SLC30A10: variants seen among roughly 807,000 people sequenced by gnomAD.
SLC30A10 encodes solute carrier family 30 member 10.
A neutral mutation model predicts 21.7 loss-of-function variants in SLC30A10; 8 were observed. That is an observed-to-expected ratio of 0.37 (90% CI 0.22 to 0.67). The LOEUF is 0.67. Ranked by LOEUF, SLC30A10 falls within the 30% of genes least tolerant of loss-of-function variation. SLC30A10 has a pLI of 0.58. For missense variants in SLC30A10, 521 were observed against 642.5 expected (o/e 0.81, Z 2.04); for synonymous variants, 272 against 279.4 (o/e 0.97, Z 0.26).
At chr1:219,945,598 G>GA (rs1427536237) in intron 1 of SLC30A10, among the ~76,000 whole-genome samples, 1 of 152,134 alleles carries the variant, frequency 6.6e-6, no homozygotes, top group Admixed American at 6.5e-5. Context: ...ATGGAGGACA[G>GA]AATAAGATCA....
chr1:219,927,056 C>G lies in SLC30A10; in HGVS notation c.690G>C (p.Glu230Asp). 6.2e-7 allele frequency: 1 copy of G among 1,613,832 alleles called. No individual in the cohort carries two copies. The highest frequency in any genetic ancestry group is 8.5e-7 in the Non-Finnish European group (1 of 1,179,914). ...QNEPEDMMKK[E>D]KKSEALNIRG... Reference sequence around the variant, plus strand: ...TGATATTCAGAGCTTCAGACTTTTTCTCTTTTTTCATCATGTCTTCTGGCT... The same window carrying G: ...TGATATTCAGAGCTTCAGACTTTTTGTCTTTTTTCATCATGTCTTCTGGCT... The change falls in exon 2 of 4, where the codon GAG (glutamate) becomes GAC (aspartate). Residue 230 changes from glutamate (E) to aspartate (D), a missense_variant. Physicochemically the swap from Glu to Asp is conservative, Grantham distance 45. Transcript: ENST00000366926.
intron 3 of SLC30A10, among the ~76,000 whole-genome samples, chr1:219,916,159 A>T (rs556047260): frequency 3.3e-5 from 5 of 152,188 alleles, no homozygotes; most frequent in Non-Finnish European, 7.3e-5. Flanking sequence ...GTCATTTAAG[A>T]AAGTAAGTCT....
Position 219,915,836 on chromosome 1 carries a change from C to T in SLC30A10, c.1071G>A (p.Arg357=), listed in dbSNP as rs1659526549. The T allele has an allele frequency of 6.2e-7, 1 of 1,614,072 alleles. No individual in the cohort carries two copies. The highest frequency in any genetic ancestry group is 1.3e-5 in the African/African-American group (1 of 74,918). ...ATLHIKYPKD[R]GYQDASTKIR... is the part of the protein sequence containing the mutation. ...TTTTTGTGCTGGCATCTTGATATCC[C>T]CTGTCCTTAGGATACTTGATGTGCA... The change falls in exon 4 of 4, where the codon AGG becomes AGA. Residue 357 remains arginine (R), a synonymous_variant. Transcript: ENST00000366926.
At chr1:219,953,526 A>G (rs895904607) in intron 1 of SLC30A10, among the ~76,000 whole-genome samples, 1 of 151,680 alleles carries the variant, frequency 6.6e-6, no homozygotes, top group Non-Finnish European at 1.5e-5. Context: ...TGCTTGGACC[A>G]GGGAGGCAGA....
At chr1:219,928,588 T>A, upstream of SLC30A10, 5 of 574,440 alleles carry the variant, frequency 8.7e-6, no homozygotes, top group Non-Finnish European at 1.4e-5. The surrounding 1 kb of genome is among the most constrained non-coding windows in gnomAD (Gnocchi z 6.3). Context: ...CCGCTTTTTA[T>A]AACGCGAGGC....
At chr1:219,956,018 T>C (rs1418894328) in intron 1 of SLC30A10, among the ~76,000 whole-genome samples, 1 of 152,230 alleles carries the variant, frequency 6.6e-6, no homozygotes, top group Non-Finnish European at 1.5e-5. Context: ...CAATATTTAT[T>C]CTTTTCTTTA....
intron 1 of SLC30A10, among the ~76,000 whole-genome samples, chr1:219,948,882 C>A (rs1309186500): frequency 6.6e-6 from 1 of 152,126 alleles, no homozygotes; most frequent in Non-Finnish European, 1.5e-5. Context: ...GGGCTAATAT[C>A]CAGAATCTAC....
At chr1:219,959,021 C>T (rs940140397), upstream of SLC30A10, among the ~76,000 whole-genome samples, 1 of 152,188 alleles carries the variant, frequency 6.6e-6, no homozygotes, top group South Asian at 2.1e-4. Flanking sequence ...CGCCCCATGG[C>T]GTCTCGGTGC....
rs562887982 is a variant in SLC30A10 at position 219,943,727 on chromosome 1, G to C, written n.80+14841C>G. ...TTTGAAACAAATAAAAATACGGAAA[G>C]TCTCAGCAAAGAAATAGAAGATAAA... On this transcript the variant is annotated intron_variant and non_coding_transcript_variant, in intron 1 of 8. Transcript: ENST00000484239. 1.1e-4 allele frequency among the ~76,000 whole-genome samples: 16 copies of C among 152,228 alleles called. No individual in the cohort carries two copies. The South Asian group carries it at 2.9e-3, about 28-fold the overall frequency.
chr1:219,935,717 T>C (rs1308229842), intron 1 of SLC30A10, among the ~76,000 whole-genome samples: 1 of 152,264 alleles, frequency 6.6e-6, no homozygotes, highest in African/African-American at 2.4e-5. Flanking sequence ...CATTGATTTC[T>C]GGCTGTTGTC....
At position 219,927,079 on chromosome 1, in the gene SLC30A10, G is replaced by C; in HGVS notation, c.667C>G (p.Pro223Ala). ...TTCTCTTTTTTCATCATGTCTTCTGGCTCATTCTGGGTGTTGAAGGAATCA... is the reference window on the plus strand; with the variant it reads ...TTCTCTTTTTTCATCATGTCTTCTGCCTCATTCTGGGTGTTGAAGGAATCA... ...AGDSFNTQNEPEDMMKKEKKS... is the reference protein window; with the variant it reads ...AGDSFNTQNEAEDMMKKEKKS... The change falls in exon 2 of 4, where the codon CCA becomes GCA. Residue 223 changes from proline to alanine, a missense_variant. Pro to Ala is a conservative substitution (Grantham distance 27). Transcript: ENST00000366926. 1 of 1,613,838 alleles carries C rather than the reference G, an allele frequency of 6.2e-7. No individual in the cohort carries two copies. Among genetic ancestry groups the C allele is most frequent in the Non-Finnish European group, 8.5e-7 (1 of 1,179,952 alleles).
At chr1:219,927,480 G>A (rs1261085477) in intron 1 of SLC30A10, among the ~76,000 whole-genome samples, 1 of 151,626 alleles carries the variant, frequency 6.6e-6, no homozygotes, top group African/African-American at 2.4e-5. Context: ...CAATAATAGT[G>A]ACCGATTTCC....
chr1:219,942,977 A>C (rs1174416573), intron 1 of SLC30A10, among the ~76,000 whole-genome samples: 1 of 152,160 alleles, frequency 6.6e-6, no homozygotes, highest in African/African-American at 2.4e-5. Context: ...TCCGGGAGGC[A>C]GAGGTTTCGA....
chr1:219,951,443 C>T (rs34623429), intron 1 of SLC30A10, among the ~76,000 whole-genome samples: 4 of 150,764 alleles, frequency 2.7e-5, no homozygotes, highest in African/African-American at 7.3e-5. Context: ...ACTTGGGGGC[C>T]GGGCGCGGTG....
At chr1:219,936,395 A>C (rs540963717) in intron 1 of SLC30A10, among the ~76,000 whole-genome samples, 1 of 152,320 alleles carries the variant, frequency 6.6e-6, no homozygotes, top group South Asian at 2.1e-4. Context: ...CAGTATTTAA[A>C]TGGGTCAGCT....
At chr1:219,917,802 C>G (rs531497727) in intron 3 of SLC30A10, among the ~76,000 whole-genome samples, 2 of 151,360 alleles carry the variant, frequency 1.3e-5, no homozygotes, top group African/African-American at 4.9e-5. Flanking sequence ...CCTCCGCCTC[C>G]CGGGTTCAAG....
In SLC30A10 at chr1:219,911,059, T is replaced by A. The variant is rs1226584292; in HGVS notation, c.*4390A>T. Among the ~76,000 whole-genome samples, 4 of 151,226 alleles carry A rather than the reference T, an allele frequency of 2.6e-5. No individual in the cohort carries two copies. Among genetic ancestry groups the A allele is most frequent in the African/African-American group, 9.7e-5 (4 of 41,152 alleles). The stretch of plus-strand genomic sequence containing the variant: ...AATACGTGACACTTTATCAGGTGCA[T>A]GACTTCTATAGAGCAGGCATGCAGT... On this transcript the variant is annotated 3_prime_UTR_variant, in exon 4 of 4. Coordinates refer to ENST00000366926, the MANE Select transcript of SLC30A10 (RefSeq NM_018713.3).
chr1:219,930,739 TAATC>T (rs1320057800), upstream of SLC30A10, among the ~76,000 whole-genome samples: 1 of 152,170 alleles, frequency 6.6e-6, no homozygotes, highest in African/African-American at 2.4e-5. Flanking sequence ...AACATAAAAA[TAATC>T]AATAATGTAG....
At chr1:219,938,376 C>T (rs1660074551) in intron 1 of SLC30A10, among the ~76,000 whole-genome samples, 2 of 152,172 alleles carry the variant, frequency 1.3e-5, no homozygotes, top group South Asian at 4.1e-4. Context: ...CTACCACTCC[C>T]CTGACTTTTC....
Sources: allele counts gnomAD v4.1 joint callset (sites outside exome capture counted in the v4.1 genomes callset), GRCh38; gene constraint gnomAD v4.1.1; non-coding constraint Gnocchi (gnomAD v3.1); transcripts MANE v1.5; gene names NCBI Gene and HGNC (gene_info 2026-07-23, HGNC 2026-07-21).